RBFOX1: variants seen among roughly 807,000 people sequenced by gnomAD.
RBFOX1 encodes RNA binding protein fox-1 homolog 1.
RBFOX1 carries 8 observed loss-of-function variants against 57.7 expected under a neutral mutation model. The ratio of observed to expected loss-of-function variants is 0.14; its 90% CI spans 0.08 to 0.25. RBFOX1 has a LOEUF of 0.25. Ranked by LOEUF, RBFOX1 falls within the 10% of genes least tolerant of loss-of-function variation. The pLI is 1.00. For synonymous variants in RBFOX1, 326 were observed against 222.4 expected (o/e 1.47, Z -4.15); for missense variants, 611 against 548.5 (o/e 1.11, Z -1.14).
chr16:6,979,890 G>A (rs2088204431), intron 3 of RBFOX1, among the ~76,000 whole-genome samples: 1 of 152,082 alleles, frequency 6.6e-6, no homozygotes, highest in Non-Finnish European at 1.5e-5. Context: ...ATCTAGGTGT[G>A]GCCACAGGAC....
At chr16:7,621,829 C>CCAGA (rs1352391070) in intron 10 of RBFOX1, among the ~76,000 whole-genome samples, 1 of 152,124 alleles carries the variant, frequency 6.6e-6, no homozygotes, top group East Asian at 1.9e-4. Flanking sequence ...CTGTAAAGGG[C>CCAGA]CAGACAGTAA....
chr16:5,281,940 T>C (rs1424935555), intron 1 of RBFOX1, among the ~76,000 whole-genome samples: 4 of 152,236 alleles, frequency 2.6e-5, no homozygotes, highest in African/African-American at 7.2e-5. Context: ...TGAGGACTTA[T>C]TCCTGTCATT....
intron 4 of RBFOX1, among the ~76,000 whole-genome samples, chr16:7,158,108 G>C (rs1180713410): frequency 6.6e-6 from 1 of 152,080 alleles, no homozygotes; most frequent in Non-Finnish European, 1.5e-5. Flanking sequence ...CAGCATTTTG[G>C]GAGGACAAGG....
At position 6,218,497 on chromosome 16, in the gene RBFOX1, A is replaced by G. The variant is rs116576769; in HGVS notation, c.-126-98498A>G. ...CTAATTTTTGTGTATTTTAGTAGAG[A>G]TGGGATTCTACCCTGTTTGCCAGGC... On this transcript the variant is annotated intron_variant, in intron 1 of 15. Coordinates refer to ENST00000550418, the MANE Select transcript of RBFOX1 (RefSeq NM_018723.4). 5.1e-3 allele frequency among the ~76,000 whole-genome samples: 782 copies of G among 152,086 alleles called. 12 individuals carry two copies. Among genetic ancestry groups the G allele is most frequent in the African/African-American group, 0.018 (734 of 41,484 alleles).
intron 4 of RBFOX1, among the ~76,000 whole-genome samples, chr16:7,177,960 A>G (rs577967080): frequency 6.6e-6 from 1 of 152,342 alleles, no homozygotes; most frequent in East Asian, 1.9e-4. Flanking sequence ...TGGAGAGCAG[A>G]CACAACATGC....
intron 3 of RBFOX1, among the ~76,000 whole-genome samples, chr16:5,641,148 C>G (rs1237952110): frequency 6.6e-6 from 1 of 151,240 alleles, no homozygotes; most frequent in Non-Finnish European, 1.5e-5. Flanking sequence ...CATGAATACA[C>G]ACACATGCAT....
chr16:7,712,394 A>T lies in RBFOX1; in HGVS notation c.*1649A>T, dbSNP rs2084131311. Reference sequence around the variant, plus strand: ...TCTGCTTTAAAACAAAACCAAACAAAACTTTAAAAAAAAATGTGTGATCCA... The same window carrying T: ...TCTGCTTTAAAACAAAACCAAACAATACTTTAAAAAAAAATGTGTGATCCA... On this transcript the variant is annotated 3_prime_UTR_variant, in exon 16 of 16. Coordinates refer to ENST00000550418, the MANE Select transcript of RBFOX1 (RefSeq NM_018723.4). 6.6e-6 allele frequency: 1 copy of T among 152,564 alleles called. No homozygotes were observed. The highest frequency in any genetic ancestry group is 1.9e-4 in the East Asian group (1 of 5,192). 9.5% of individuals were successfully genotyped at this position (152,564 alleles called of 1,614,324 possible).
At chr16:6,756,769 C>G (rs1452906351) in intron 3 of RBFOX1, among the ~76,000 whole-genome samples, 2 of 151,984 alleles carry the variant, frequency 1.3e-5, no homozygotes, top group South Asian at 2.1e-4. Flanking sequence ...GTCAGGAGTT[C>G]GAGACCAGCC....
At chr16:6,959,022 C>T (rs998112955) in intron 3 of RBFOX1, among the ~76,000 whole-genome samples, 1 of 152,024 alleles carries the variant, frequency 6.6e-6, no homozygotes, top group Admixed American at 6.6e-5. Flanking sequence ...TCATAATGGA[C>T]AGTCATTTTT....
chr16:6,844,768 T>G (rs893052766), intron 3 of RBFOX1, among the ~76,000 whole-genome samples: 6 of 152,202 alleles, frequency 3.9e-5, no homozygotes, highest in African/African-American at 1.2e-4. Flanking sequence ...TTAGACCATC[T>G]TCTGCAATGG....
At chr16:5,658,943 T>C (rs376810210) in intron 3 of RBFOX1, among the ~76,000 whole-genome samples, 23 of 151,840 alleles carry the variant, frequency 1.5e-4, no homozygotes, top group African/African-American at 5.1e-4. Context: ...GCATTGCTTT[T>C]ACGTATTTGC....
chr16:5,877,483 G>A (rs944341946), intron 4 of RBFOX1, among the ~76,000 whole-genome samples: 10 of 152,230 alleles, frequency 6.6e-5, no homozygotes, highest in Non-Finnish European at 1.2e-4. Context: ...CAGATGAGAT[G>A]GGTCTTCCTT....
At chr16:5,398,065 G>C (rs1596847226) in intron 1 of RBFOX1, among the ~76,000 whole-genome samples, 1 of 132,524 alleles carries the variant, frequency 7.5e-6, no homozygotes. Context: ...AAAACCACAC[G>C]GGGCTGTGAG....
chr16:5,346,806 A>G (rs1244124642), intron 1 of RBFOX1, among the ~76,000 whole-genome samples: 1 of 152,154 alleles, frequency 6.6e-6, no homozygotes, highest in African/African-American at 2.4e-5. Context: ...CAAGTGTCTC[A>G]GTCTTTGTGC....
intron 3 of RBFOX1, among the ~76,000 whole-genome samples, chr16:6,916,142 A>T (rs2073109284): frequency 1.3e-5 from 2 of 152,140 alleles, no homozygotes; most frequent in African/African-American, 2.4e-5. Flanking sequence ...CCTCCAGGAG[A>T]GGCAAGAATG....
At chr16:7,437,250 G>GCCCC (rs61036994) in intron 4 of RBFOX1, among the ~76,000 whole-genome samples, 3 of 127,144 alleles carry the variant, frequency 2.4e-5, no homozygotes, top group African/African-American at 8.0e-5. Flanking sequence ...AATTATCTTT[G>GCCCC]CCCCCCCCCC....
intron 3 of RBFOX1, among the ~76,000 whole-genome samples, chr16:6,831,844 G>T (rs527829710): frequency 6.6e-6 from 1 of 152,168 alleles, no homozygotes; most frequent in Admixed American, 6.5e-5. Flanking sequence ...ATCTCCAGCT[G>T]TGAATGCTAG....
At chr16:6,829,659 G>C (rs1019495197) in intron 3 of RBFOX1, among the ~76,000 whole-genome samples, 23 of 151,928 alleles carry the variant, frequency 1.5e-4, no homozygotes, top group African/African-American at 4.1e-4. Flanking sequence ...GGCAGTGCAG[G>C]GGCGTGATCT....
At chr16:5,829,434 A>G (rs577464045) in intron 3 of RBFOX1, among the ~76,000 whole-genome samples, 1 of 152,308 alleles carries the variant, frequency 6.6e-6, no homozygotes, top group South Asian at 2.1e-4. Context: ...CATCTGGGGA[A>G]GAAATAATGA....
Sources: allele counts gnomAD v4.1 joint callset (sites outside exome capture counted in the v4.1 genomes callset), GRCh38; gene constraint gnomAD v4.1.1; transcripts MANE v1.5; gene names NCBI Gene and HGNC (gene_info 2026-07-23, HGNC 2026-07-21).